The following LAMA1 variants were observed in gnomAD, a reference collection of about 807,000 sequenced individuals.
LAMA1 encodes laminin subunit alpha-1.
A neutral mutation model predicts 348.7 loss-of-function variants in LAMA1; 219 were observed. The observed-to-expected ratio is 0.63, with a 90% confidence interval of 0.56 to 0.70. The LOEUF (loss-of-function observed/expected upper bound fraction) is 0.70. Among genes scored for constraint, LAMA1 ranks in the 30% least tolerant of loss-of-function variants. The probability of loss-of-function intolerance (pLI) is 0.00; values close to 1 mark genes in which losing one functional copy is unlikely to be tolerated. For missense variants in LAMA1, 3,744 were observed against 3,888.0 expected (o/e 0.96, Z 0.99); for synonymous variants, 1,487 against 1,491.0 (o/e 1.00, Z 0.06).
At chr18:6,988,029 G>A (rs1208581911) in intron 36 of LAMA1, among the ~76,000 whole-genome samples, 4 of 152,088 alleles carry the variant, frequency 2.6e-5, no homozygotes, top group African/African-American at 9.7e-5. Context: ...TGGGAAAATC[G>A]CTTGAGCCTG....
At chr18:7,113,797 C>G (rs1210145610) in intron 1 of LAMA1, among the ~76,000 whole-genome samples, 1 of 152,040 alleles carries the variant, frequency 6.6e-6, no homozygotes, top group Non-Finnish European at 1.5e-5. Context: ...GGGAAAGAGG[C>G]CGGGGGCAGT....
chr18:6,970,078 T>C (rs1229182103), intron 48 of LAMA1, among the ~76,000 whole-genome samples: 1 of 152,068 alleles, frequency 6.6e-6, no homozygotes, highest in Non-Finnish European at 1.5e-5. Context: ...GTCGGGGTGT[T>C]TTTCATGTTA....
chr18:7,016,141 G>A (rs1304195310), intron 21 of LAMA1, among the ~76,000 whole-genome samples: 1 of 152,140 alleles, frequency 6.6e-6, no homozygotes, highest in East Asian at 1.9e-4. Flanking sequence ...TATTTACTAA[G>A]CACTTACTGC....
In LAMA1 at chr18:7,013,981, T is replaced by G; in HGVS notation, c.3197A>C (p.Lys1066Thr). Residue 1066 changes from lysine to threonine, a missense_variant, in exon 23 of 63, where the codon AAG (lysine) becomes ACG (threonine). Lys to Thr is a moderately conservative substitution (Grantham distance 78). Transcript: ENST00000389658. ...CDVVTGHCQC[K>T]SKFGGRACDQ... ...GCAGGCCCGGCCACCAAATTTTGAC[T>G]TGCACTGGCAATGGCCGGTGACCAC... 1 of 1,613,930 alleles carries G rather than the reference T, an allele frequency of 6.2e-7. No individual in the cohort carries two copies. Among genetic ancestry groups the G allele is most frequent in the Non-Finnish European group, 8.5e-7 (1 of 1,179,932 alleles).
chr18:6,950,461 A>G (rs1013187287), intron 58 of LAMA1, among the ~76,000 whole-genome samples: 1 of 152,250 alleles, frequency 6.6e-6, no homozygotes, highest in Admixed American at 6.5e-5. Context: ...AGTTCCGGTT[A>G]TCAGAAAGCA....
chr18:7,054,607 T>C (rs962418595), intron 3 of LAMA1, among the ~76,000 whole-genome samples: 1 of 152,218 alleles, frequency 6.6e-6, no homozygotes, highest in Admixed American at 6.5e-5. Context: ...ATGCAATACA[T>C]GTGTGTAAAT....
chr18:7,069,769 G>A (rs1181269254), intron 3 of LAMA1, among the ~76,000 whole-genome samples: 1 of 151,874 alleles, frequency 6.6e-6, no homozygotes, highest in African/African-American at 2.4e-5. Flanking sequence ...CTCCCAGCTG[G>A]TCTGGCACCC....
chr18:6,947,750 G>A (rs1600339154), intron 60 of LAMA1, among the ~76,000 whole-genome samples: 2 of 152,146 alleles, frequency 1.3e-5, no homozygotes, highest in Non-Finnish European at 2.9e-5. Flanking sequence ...TTAAAGGTGG[G>A]GATTGAATGG....
At chr18:6,976,219 T>G (rs984071717) in intron 44 of LAMA1, 139 bp from the exon 45 acceptor site, 5 of 790,590 alleles carry the variant, frequency 6.3e-6, no homozygotes, top group Non-Finnish European at 1.1e-5. Flanking sequence ...GGTTCATGTT[T>G]CATGAAGTGA....
Position 6,964,689 on chromosome 18 carries a change from C to T in LAMA1, c.7310G>A (p.Gly2437Asp), listed in dbSNP as rs1192252322. ...TACAACTCTTGACCTTGGTAATCCACCCACATAAATCGGGTCCTTGTCTAG... is the reference window on the plus strand; with the variant it reads ...TACAACTCTTGACCTTGGTAATCCATCCACATAAATCGGGTCCTTGTCTAG... ...NRLDKDPIYV[G>D]GLPRSRVVRR... The change falls in exon 51 of 63, where the codon GGT becomes GAT. Residue 2437 changes from glycine (G) to aspartate (D), a missense_variant. Transcript: ENST00000389658. The T allele has an allele frequency of 6.2e-7, 1 of 1,614,156 alleles. No homozygotes were observed. The highest frequency in any genetic ancestry group is 2.2e-5 in the East Asian group (1 of 44,868).
At chr18:6,952,341 G>A (rs1410949696) in intron 57 of LAMA1, among the ~76,000 whole-genome samples, 1 of 152,192 alleles carries the variant, frequency 6.6e-6, no homozygotes, top group Non-Finnish European at 1.5e-5. Flanking sequence ...AGAGCAGCTG[G>A]GGGTGTGCGG....
chr18:7,107,965 G>T (rs534753784), intron 1 of LAMA1, among the ~76,000 whole-genome samples: 4 of 151,552 alleles, frequency 2.6e-5, no homozygotes, highest in African/African-American at 9.7e-5. Flanking sequence ...AGTGAGCCAA[G>T]ATCGCGCCAC....
chr18:6,966,347 G>A (rs765685727), intron 48 of LAMA1, 50 bp from the exon 49 acceptor site: 1 of 1,529,110 alleles, frequency 6.5e-7, no homozygotes. Flanking sequence ...AGGGTAGAAA[G>A]AACCAAGAAC....
intron 47 of LAMA1, among the ~76,000 whole-genome samples, chr18:6,972,758 C>A (rs2057663863): frequency 1.3e-5 from 2 of 152,202 alleles, no homozygotes; most frequent in Non-Finnish European, 1.5e-5. Context: ...GGCGCGATCT[C>A]AGCTCACTGC....
At chr18:7,006,170 T>C (rs548121877) in intron 29 of LAMA1, among the ~76,000 whole-genome samples, 1 of 152,308 alleles carries the variant, frequency 6.6e-6, no homozygotes, top group South Asian at 2.1e-4. Context: ...ATCTGCCTCA[T>C]TGGCTTAAGC....
At chr18:6,999,308 A>C in intron 32 of LAMA1, 137 bp downstream of exon 32, 7 of 893,118 alleles carry the variant, frequency 7.8e-6, no homozygotes, top group Non-Finnish European at 1.0e-5. Flanking sequence ...ACAGTGATCT[A>C]TGCTTAGAAA....
In LAMA1 at chr18:6,971,974, G is replaced by A. The variant is rs776209290; in HGVS notation, c.6782C>T (p.Pro2261Leu). The change falls in exon 48 of 63, where the codon CCT (proline) becomes CTT (leucine). Residue 2261 changes from proline (P) to leucine (L), a missense_variant. Physicochemically the swap from Pro to Leu is moderately conservative, Grantham distance 98. Coordinates refer to ENST00000389658, the MANE Select transcript of LAMA1 (RefSeq NM_005559.4). ...GGLGGQIKKS[P>L]AVKVTHFKGC... Reference sequence around the variant, plus strand: ...TTTAAAATGAGTAACCTTCACAGCAGGAGATTTCTAATGCAAACAAGCAAA... The same window carrying A: ...TTTAAAATGAGTAACCTTCACAGCAAGAGATTTCTAATGCAAACAAGCAAA... 2 of 1,613,938 alleles carry A rather than the reference G, an allele frequency of 1.2e-6. No homozygotes were observed. Among genetic ancestry groups the A allele is most frequent in the South Asian group, 2.2e-5 (2 of 91,070 alleles).
chr18:7,026,078 T>C lies in LAMA1; in HGVS notation c.2303A>G (p.His768Arg), dbSNP rs2057941756. Residue 768 changes from histidine to arginine, a missense_variant, in exon 17 of 63, where the codon CAC (histidine) becomes CGC (arginine). Physicochemically the swap from His to Arg is conservative, Grantham distance 29 (BLOSUM62 0). This residue lies in a region of LAMA1 where 1,529 missense variants were observed against 1,689.4 expected (regional missense o/e 0.91). Transcript: ENST00000389658. ...GAAGCCGGGCAAGCACTGCTCACAG[T>C]GGACGCCGGTGGTGTTGTGCGCACA... ...IACAHNTTGVHCEQCLPGFYG... is the reference protein window; with the variant it reads ...IACAHNTTGVRCEQCLPGFYG... 2 of 1,611,318 alleles carry C rather than the reference T, an allele frequency of 1.2e-6. No individual in the cohort carries two copies. The highest frequency in any genetic ancestry group is 1.3e-5 in the African/African-American group (1 of 74,964).
intron 24 of LAMA1, 44 bp downstream of exon 24, chr18:7,011,951 G>A (rs1344245731): frequency 3.8e-6 from 6 of 1,566,930 alleles, no homozygotes; most frequent in Admixed American, 1.9e-5. Flanking sequence ...ACCTCCCAGG[G>A]GAGTGGGGTT....
Sources: allele counts gnomAD v4.1 joint callset (sites outside exome capture counted in the v4.1 genomes callset), GRCh38; gene constraint gnomAD v4.1.1; regional missense constraint gnomAD v4.1.1; transcripts MANE v1.5; gene names NCBI Gene and HGNC (gene_info 2026-07-23, HGNC 2026-07-21).